THSD7B: variants seen among roughly 807,000 people sequenced by gnomAD.
THSD7B encodes the protein thrombospondin type 1 domain containing 7B.
In THSD7B, 138 loss-of-function variants were observed where a neutral mutation model predicts 213.6. The observed-to-expected ratio is 0.65, with a 90% CI of 0.56 to 0.74. The LOEUF is 0.74. Among genes scored for constraint, THSD7B ranks in the 30% least tolerant of loss-of-function variants. The pLI is 0.00. For missense variants in THSD7B, 1,931 were observed against 1,991.5 expected, an observed-to-expected ratio of 0.97 and a Z score of 0.58; for synonymous variants, 742 against 687.0, an observed-to-expected ratio of 1.08 and a Z score of -1.25.
At chr2:137,523,809 A>T (rs1680230233) in intron 15 of THSD7B, among the ~76,000 whole-genome samples, 2 of 152,188 alleles carry the variant, frequency 1.3e-5, no homozygotes, top group East Asian at 3.9e-4. Flanking sequence ...AAGCTCTGGG[A>T]TGGATCTCAG....
At chr2:137,275,350 C>T (rs1682845300) in intron 11 of THSD7B, among the ~76,000 whole-genome samples, 1 of 151,936 alleles carries the variant, frequency 6.6e-6, no homozygotes, top group Non-Finnish European at 1.5e-5. Context: ...CTTCAAAAGT[C>T]CTTGGAAACA....
intron 15 of THSD7B, among the ~76,000 whole-genome samples, chr2:137,478,720 G>A (rs1168345191): frequency 2.0e-5 from 3 of 152,062 alleles, no homozygotes; most frequent in African/African-American, 7.2e-5. Context: ...CTTTAATAGG[G>A]GAGGACATTT....
chr2:137,600,196 C>T (rs1260844578), intron 17 of THSD7B, among the ~76,000 whole-genome samples: 1 of 152,074 alleles, frequency 6.6e-6, no homozygotes, highest in African/African-American at 2.4e-5. Flanking sequence ...TTCCTACCAC[C>T]ATGAATTTCA....
chr2:136,890,380 TTCCTCTTCCTCTTCCTCTTCCTCTTCC>T (rs1558840003), intron 2 of THSD7B, among the ~76,000 whole-genome samples: 3 of 2,100 alleles, frequency 1.4e-3, no homozygotes, highest in African/African-American at 1.5e-3. Context: ...CTTCTTCCTC[TTCCTCTTCCTCTTCCTCTTCCTCTTCC>T]TCTTCTTCTT....
chr2:137,151,190 A>G (rs1558939267), intron 5 of THSD7B, among the ~76,000 whole-genome samples: 1 of 152,206 alleles, frequency 6.6e-6, no homozygotes. Context: ...AAACTTCTCA[A>G]TTTTTAAAAA....
chr2:137,635,154 G>A (rs746634416), intron 20 of THSD7B, among the ~76,000 whole-genome samples: 19 of 152,030 alleles, frequency 1.2e-4, no homozygotes, highest in Non-Finnish European at 2.4e-4. Context: ...CTATGATTTC[G>A]GTCTTTTTTC....
chr2:136,876,049 C>T (rs973134774), intron 1 of THSD7B, among the ~76,000 whole-genome samples: 1 of 152,100 alleles, frequency 6.6e-6, no homozygotes, highest in Non-Finnish European at 1.5e-5. Context: ...TTCAGATATG[C>T]TGAATGGCCG....
intron 7 of THSD7B, among the ~76,000 whole-genome samples, chr2:137,198,113 A>G (rs1680801821): frequency 6.6e-6 from 1 of 152,124 alleles, no homozygotes; most frequent in African/African-American, 2.4e-5. Flanking sequence ...CATCTTTACC[A>G]AAGGATAAAA....
chr2:137,573,930 A>G (rs1280392453), intron 17 of THSD7B, among the ~76,000 whole-genome samples: 3 of 152,124 alleles, frequency 2.0e-5, no homozygotes, highest in African/African-American at 7.2e-5. Context: ...AAAATGCAAT[A>G]TTTATTTGAA....
At chr2:137,059,070 G>A (rs1687222593) in intron 3 of THSD7B, among the ~76,000 whole-genome samples, 1 of 152,172 alleles carries the variant, frequency 6.6e-6, no homozygotes, top group Non-Finnish European at 1.5e-5. Context: ...AGGCTGGAAA[G>A]TCCAAATTCA....
intron 1 of THSD7B, among the ~76,000 whole-genome samples, chr2:136,815,904 A>C (rs1043141462): frequency 1.3e-5 from 2 of 152,024 alleles, no homozygotes; most frequent in Admixed American, 6.6e-5. Context: ...TTTTTTTCTG[A>C]GACAGTGTCT....
intron 9 of THSD7B, among the ~76,000 whole-genome samples, chr2:137,239,625 G>A (rs1681856142): frequency 6.6e-6 from 1 of 152,114 alleles, no homozygotes; most frequent in Non-Finnish European, 1.5e-5. Context: ...TTGTCATTCT[G>A]TGATTTGCTC....
intron 2 of THSD7B, among the ~76,000 whole-genome samples, chr2:136,919,226 A>C (rs1001502277): frequency 6.6e-6 from 1 of 152,248 alleles, no homozygotes; most frequent in Non-Finnish European, 1.5e-5. Context: ...CTCATAAAAC[A>C]ACCAGAGAAT....
intron 2 of THSD7B, among the ~76,000 whole-genome samples, chr2:136,951,289 T>G (rs1685033756): frequency 6.6e-6 from 1 of 152,248 alleles, no homozygotes; most frequent in South Asian, 2.1e-4. Flanking sequence ...TTCCTCATTT[T>G]CTTGTTATCT....
At chr2:136,829,213 G>A (rs1293440085) in intron 1 of THSD7B, among the ~76,000 whole-genome samples, 2 of 150,830 alleles carry the variant, frequency 1.3e-5, no homozygotes, top group Non-Finnish European at 2.9e-5. Context: ...TGCCCAGAAT[G>A]CTTTTGAGCA....
chr2:137,367,844 G>C (rs1422772069), intron 12 of THSD7B, among the ~76,000 whole-genome samples: 1 of 152,002 alleles, frequency 6.6e-6, no homozygotes, highest in Non-Finnish European at 1.5e-5. Flanking sequence ...CATTTTATAA[G>C]GCTACCAATT....
chr2:137,216,420 C>T (rs929210303), intron 7 of THSD7B, among the ~76,000 whole-genome samples: 2 of 152,018 alleles, frequency 1.3e-5, no homozygotes, highest in African/African-American at 4.8e-5. Flanking sequence ...TCTTCCATCT[C>T]TTCATCTACA....
chr2:137,099,935 A>G (rs1004354173), intron 4 of THSD7B, among the ~76,000 whole-genome samples: 1 of 152,188 alleles, frequency 6.6e-6, no homozygotes, highest in South Asian at 2.1e-4. Flanking sequence ...CTTATTTTGC[A>G]TGGACTAGAG....
At chr2:136,957,901 TTAA>T (rs1423035105) in intron 2 of THSD7B, among the ~76,000 whole-genome samples, 1 of 152,190 alleles carries the variant, frequency 6.6e-6, no homozygotes. Flanking sequence ...AAAGTGAGGA[TTAA>T]TATGCTGCCT....
Sources: gnomAD v4.1 joint callset for allele counts (sites outside exome capture counted in the v4.1 genomes callset) on GRCh38, gnomAD v4.1.1 for gene constraint, MANE v1.5 for transcripts, NCBI Gene and HGNC (gene_info 2026-07-23, HGNC 2026-07-21) for gene names.